Variants in SORCS3 observed in about 807,000 individuals in gnomAD.
The protein encoded by SORCS3 is sortilin related VPS10 domain containing receptor 3.
Under a neutral mutation model 146.3 loss-of-function variants are expected in SORCS3, and 57 were observed. That is an observed-to-expected ratio of 0.39 (90% CI 0.31 to 0.49). The LOEUF (loss-of-function observed/expected upper bound fraction) is 0.49, where lower values mean the gene tolerates loss of function less well. Among genes scored for constraint, SORCS3 ranks in the 20% least tolerant of loss-of-function variants. SORCS3 has a pLI of 0.92. For synonymous variants in SORCS3, 653 were observed against 618.5 expected (o/e 1.06, Z -0.83); for missense variants, 1,341 against 1,575.5 (o/e 0.85, Z 2.52).
intron 4 of SORCS3, among the ~76,000 whole-genome samples, chr10:105,031,316 AACACACACACACACAAAC>A (rs914172592): frequency 4.2e-5 from 5 of 117,984 alleles, no homozygotes; most frequent in African/African-American, 8.5e-5. Context: ...ACAAACAAAC[AACACACACACACACAAAC>A]ACACACACAC....
chr10:104,880,756 TTACTCTGTAATATTACAATGCAGATAA>T (rs2018622493), intron 2 of SORCS3, among the ~76,000 whole-genome samples: 1 of 152,174 alleles, frequency 6.6e-6, no homozygotes, highest in Admixed American at 6.5e-5. Flanking sequence ...ACCCCCTGCC[TTACTCTGTAATATTACAATGCAGATAA>T]GCACAGAGGT....
chr10:104,861,822 T>C (rs936632156), intron 2 of SORCS3, among the ~76,000 whole-genome samples: 8 of 152,168 alleles, frequency 5.3e-5, no homozygotes, highest in African/African-American at 1.9e-4. Context: ...AGGCTGAGTC[T>C]GAGATTGAGG....
intron 1 of SORCS3, among the ~76,000 whole-genome samples, chr10:104,828,132 A>T (rs1288969966): frequency 6.6e-6 from 1 of 152,122 alleles, no homozygotes; most frequent in Non-Finnish European, 1.5e-5. Flanking sequence ...TCCTTCAAGG[A>T]CTTTTCCTTT....
chr10:104,803,190 C>T (rs891625362), intron 1 of SORCS3, among the ~76,000 whole-genome samples: 2 of 152,220 alleles, frequency 1.3e-5, no homozygotes, highest in African/African-American at 4.8e-5. Context: ...CAAACAAAAA[C>T]TTAGACTCAT....
chr10:104,735,968 C>T (rs61057062), intron 1 of SORCS3, among the ~76,000 whole-genome samples: 1,682 of 152,240 alleles, frequency 0.011, 25 homozygotes, highest in African/African-American at 0.038. Context: ...GTCTGAATCT[C>T]TCCCTCTTTT....
At chr10:105,240,971 T>C (rs1213509806) in intron 20 of SORCS3, among the ~76,000 whole-genome samples, 1 of 151,518 alleles carries the variant, frequency 6.6e-6, no homozygotes, top group East Asian at 1.9e-4. Flanking sequence ...TATCTATATC[T>C]ATATCTATAT....
chr10:104,824,940 G>T (rs894244314), intron 1 of SORCS3, among the ~76,000 whole-genome samples: 13 of 152,214 alleles, frequency 8.5e-5, no homozygotes, highest in Non-Finnish European at 1.5e-4. Flanking sequence ...AGACAAGAGG[G>T]TTGGATCACA....
chr10:104,654,721 A>G (rs1215600068), intron 1 of SORCS3, among the ~76,000 whole-genome samples: 2 of 152,212 alleles, frequency 1.3e-5, no homozygotes, highest in African/African-American at 2.4e-5. Flanking sequence ...GCTATTTGGC[A>G]TTATATGTGT....
chr10:105,132,682 GCCAATGC>G (rs1190438226), intron 7 of SORCS3, among the ~76,000 whole-genome samples: 1 of 152,164 alleles, frequency 6.6e-6, no homozygotes, highest in Non-Finnish European at 1.5e-5. Flanking sequence ...GTGTTTAATG[GCCAATGC>G]ATTTGTCCAA....
At chr10:105,046,513 C>T (rs1217975924) in intron 5 of SORCS3, among the ~76,000 whole-genome samples, 1 of 152,058 alleles carries the variant, frequency 6.6e-6, no homozygotes, top group Non-Finnish European at 1.5e-5. Flanking sequence ...GCATGTCTCT[C>T]GTCTGTTCCG....
At chr10:105,173,636 A>G (rs1328571250) in intron 13 of SORCS3, among the ~76,000 whole-genome samples, 2 of 152,146 alleles carry the variant, frequency 1.3e-5, no homozygotes, top group Non-Finnish European at 2.9e-5. Context: ...TATCACAGAG[A>G]AGTGAAACTT....
At chr10:105,179,490 A>G (rs2056429350) in intron 14 of SORCS3, among the ~76,000 whole-genome samples, 1 of 152,238 alleles carries the variant, frequency 6.6e-6, no homozygotes, top group African/African-American at 2.4e-5. Context: ...TCTTATCAAG[A>G]TACTTAGAGA....
intron 9 of SORCS3, among the ~76,000 whole-genome samples, chr10:105,151,921 G>A (rs2056170235): frequency 6.6e-6 from 1 of 152,086 alleles, no homozygotes. Flanking sequence ...GAGATGTCAA[G>A]CCGACTCCTT....
At chr10:105,118,895 G>A (rs748004699) in intron 7 of SORCS3, among the ~76,000 whole-genome samples, 1 of 152,174 alleles carries the variant, frequency 6.6e-6, no homozygotes, top group Non-Finnish European at 1.5e-5. Flanking sequence ...GCAGTCTGAT[G>A]ATGTGAGAGA....
chr10:104,838,950 C>T (rs2018104749), intron 1 of SORCS3, among the ~76,000 whole-genome samples: 1 of 152,128 alleles, frequency 6.6e-6, no homozygotes, highest in Non-Finnish European at 1.5e-5. Context: ...GGTACTTGGT[C>T]AAGGTCAGAC....
At chr10:105,145,642 C>T (rs939768269) in intron 8 of SORCS3, among the ~76,000 whole-genome samples, 14 of 152,062 alleles carry the variant, frequency 9.2e-5, no homozygotes, top group East Asian at 1.9e-4. Context: ...CTGGGTTCTT[C>T]GGCATTCATT....
chr10:104,979,301 T>C (rs1215748157), intron 4 of SORCS3, among the ~76,000 whole-genome samples: 1 of 152,188 alleles, frequency 6.6e-6, no homozygotes, highest in Admixed American at 6.5e-5. Flanking sequence ...GATCAACTTA[T>C]ACTTAAGAAA....
chr10:104,642,022 G>GGGGGGGGGGGGGGGCGCCC, intron 1 of SORCS3, 68 bp downstream of exon 1: 1 of 173,336 alleles, frequency 5.8e-6, no homozygotes, highest in East Asian at 1.5e-4. Flanking sequence ...GGGTGGGTGG[G>GGGGGGGGGGGGGGGCGCCC]AGCGAGGGAC....
At chr10:104,947,496 C>T (rs1320172999) in intron 3 of SORCS3, among the ~76,000 whole-genome samples, 2 of 152,152 alleles carry the variant, frequency 1.3e-5, no homozygotes, top group Non-Finnish European at 2.9e-5. Context: ...AGGCGGGGTC[C>T]TTTCACGGGC....
Sources: gnomAD v4.1 joint callset for allele counts (sites outside exome capture counted in the v4.1 genomes callset) on GRCh38, gnomAD v4.1.1 for gene constraint, MANE v1.5 for transcripts, NCBI Gene and HGNC (gene_info 2026-07-23, HGNC 2026-07-21) for gene names.